Variants in ACCSL observed in about 807,000 individuals in gnomAD.
ACCSL encodes the protein probable inactive 1-aminocyclopropane-1-carboxylate synthase-like protein 2.
In ACCSL, 55 loss-of-function variants were observed where a neutral mutation model predicts 61.7. The ratio of observed to expected loss-of-function variants is 0.89; its 90% CI spans 0.72 to 1.12. ACCSL has a LOEUF of 1.12. Among genes scored for constraint, ACCSL ranks in the 50% most tolerant of loss-of-function variants. The pLI, the probability that ACCSL is intolerant of heterozygous loss-of-function variation, is 0.00. For missense variants in ACCSL, 632 were observed against 698.0 expected (o/e 0.91, Z 1.07); for synonymous variants, 258 against 264.3 (o/e 0.98, Z 0.23).
At chr11:43,982,928 C>T in the ACCSL span, among the ~76,000 whole-genome samples, 3 of 152,236 alleles carry the variant, frequency 2.0e-5, no homozygotes, top group African/African-American at 7.2e-5. Context: ...CCAGGTCACT[C>T]TGAGGCTGGG....
chr11:44,050,521 C>T (rs1365459986), intron 2 of ACCSL, 31 bp from the exon 3 acceptor site: 3 of 1,609,004 alleles, frequency 1.9e-6, no homozygotes, highest in Non-Finnish European at 2.6e-6. Context: ...CTTCCCTGGC[C>T]TACCTGTCTT....
chr11:44,024,287 A>G, the ACCSL span, among the ~76,000 whole-genome samples: 1 of 151,898 alleles, frequency 6.6e-6, no homozygotes, highest in Non-Finnish European at 1.5e-5. Context: ...AGGCCTTTGG[A>G]CTCAATCTGG....
chr11:43,970,291 G>T, the ACCSL span, among the ~76,000 whole-genome samples: 3 of 151,964 alleles, frequency 2.0e-5, no homozygotes, highest in African/African-American at 7.3e-5. Flanking sequence ...CTGCAGCCTC[G>T]ACCTCCTGGG....
At chr11:44,053,974 T>G (rs575416152) in intron 8 of ACCSL, among the ~76,000 whole-genome samples, 1 of 152,260 alleles carries the variant, frequency 6.6e-6, no homozygotes, top group Non-Finnish European at 1.5e-5. Context: ...CCACTTCAAA[T>G]TTTTTGCCAT....
chr11:43,936,230 G>A, the ACCSL span, among the ~76,000 whole-genome samples: 2 of 152,202 alleles, frequency 1.3e-5, no homozygotes, highest in Admixed American at 1.3e-4. Context: ...AGAGTGCAGC[G>A]TTGCTCGGGC....
At chr11:43,942,042 G>A in the ACCSL span, among the ~76,000 whole-genome samples, 1 of 52,626 alleles carries the variant, frequency 1.9e-5, no homozygotes, top group Admixed American at 2.4e-4. Flanking sequence ...GTGCGTGTGT[G>A]TGTGTGTGTG....
the ACCSL span, among the ~76,000 whole-genome samples, chr11:44,037,947 G>T: frequency 3.3e-5 from 5 of 151,952 alleles, no homozygotes; most frequent in Admixed American, 2.6e-4. Flanking sequence ...ACATTATTGA[G>T]CTCTTCCATG....
chr11:43,934,726 C>A, the ACCSL span, among the ~76,000 whole-genome samples: 1 of 152,122 alleles, frequency 6.6e-6, no homozygotes, highest in Non-Finnish European at 1.5e-5. Flanking sequence ...CCTGCCTACC[C>A]CCCAGGGAAA....
At chr11:43,943,963 G>T in the ACCSL span, 11 of 874,022 alleles carry the variant, frequency 1.3e-5, no homozygotes, top group Non-Finnish European at 1.7e-5. The surrounding 1 kb of genome is among the most constrained non-coding windows in gnomAD (Gnocchi z 4.8). Context: ...AGGTGGCAGG[G>T]GGATGTCGGA....
the ACCSL span, among the ~76,000 whole-genome samples, chr11:44,033,624 G>A: frequency 6.6e-6 from 1 of 152,190 alleles, no homozygotes; most frequent in Non-Finnish European, 1.5e-5. Context: ...GTGGGTGACA[G>A]TGGTAGATAG....
chr11:44,000,440 A>T, the ACCSL span, among the ~76,000 whole-genome samples: 72 of 56,596 alleles, frequency 1.3e-3, no homozygotes, highest in Middle Eastern at 0.021. Context: ...CTCTATTTTA[A>T]AAAAAAAAAG....
the ACCSL span, among the ~76,000 whole-genome samples, chr11:44,033,000 C>G: frequency 3.9e-5 from 6 of 152,212 alleles, no homozygotes; most frequent in African/African-American, 1.4e-4. Context: ...CAAAATGTTT[C>G]TTGTATCAGC....
the ACCSL span, among the ~76,000 whole-genome samples, chr11:44,029,900 G>A: frequency 0.36 from 54,284 of 150,466 alleles, 10,349 homozygotes; most frequent in Admixed American, 0.4. Context: ...TATAACATGA[G>A]GTTCTTGGAA....
At chr11:43,949,454 C>T in the ACCSL span, among the ~76,000 whole-genome samples, 1 of 152,162 alleles carries the variant, frequency 6.6e-6, no homozygotes, top group Non-Finnish European at 1.5e-5. Context: ...GAAAGCCAAG[C>T]TGGGAACTAT....
Position 44,050,697 on chromosome 11 carries a change from C to T in ACCSL, c.635+75C>T, listed in dbSNP as rs556354549. ...TTATCCAGAAGGAGGATTCAAGGCA[C>T]CAAATTCCTGGTTGGTTACCTCCCT... On this transcript the variant is annotated intron_variant, in intron 3 of 13. Transcript: ENST00000378832. 9 of 1,436,422 alleles carry T rather than the reference C, an allele frequency of 6.3e-6. No homozygotes were observed. In the East Asian group the frequency reaches 2.0e-4, roughly 33 times the overall value. 89.0% of individuals were successfully genotyped at this position (1,436,422 alleles called of 1,614,324 possible). A position where few individuals can be genotyped will look rare whatever the true frequency, so the allele number is the denominator to read the frequency against.
the ACCSL span, among the ~76,000 whole-genome samples, chr11:43,970,298 T>G: frequency 6.6e-6 from 1 of 152,152 alleles, no homozygotes; most frequent in Non-Finnish European, 1.5e-5. Flanking sequence ...CTCGACCTCC[T>G]GGGCTCACGT....
the ACCSL span, among the ~76,000 whole-genome samples, chr11:44,015,870 T>C: frequency 3.5e-3 from 529 of 152,308 alleles, 2 homozygotes; most frequent in African/African-American, 0.012. Context: ...ATTTCTAATT[T>C]AGTTGTGAGG....
At chr11:44,048,631 T>C in intron 1 of ACCSL, 91 bp downstream of exon 1, 2 of 1,102,708 alleles carry the variant, frequency 1.8e-6, no homozygotes, top group Non-Finnish European at 2.6e-6. Flanking sequence ...ATATATGCTC[T>C]CATTCTTTAT....
the ACCSL span, among the ~76,000 whole-genome samples, chr11:43,965,768 C>T: frequency 6.6e-6 from 1 of 152,184 alleles, no homozygotes; most frequent in African/African-American, 2.4e-5. Flanking sequence ...AGATCATGAA[C>T]AGAATTGCGA....
Sources: allele counts gnomAD v4.1 joint callset (sites outside exome capture counted in the v4.1 genomes callset), GRCh38; gene constraint gnomAD v4.1.1; non-coding constraint Gnocchi (gnomAD v3.1); transcripts MANE v1.5; gene names NCBI Gene and HGNC (gene_info 2026-07-23, HGNC 2026-07-21).